WDR5: variants seen among roughly 807,000 people sequenced by gnomAD.
WDR5 encodes WD repeat-containing protein 5.
For missense variants in WDR5, 187 were observed against 416.9 expected (o/e 0.45, Z 4.80); for synonymous variants, 144 against 161.6 (o/e 0.89, Z 0.83).
intron 9 of WDR5, among the ~76,000 whole-genome samples, chr9:134,152,548 C>T (rs867492108): frequency 4.7e-4 from 72 of 152,182 alleles, no homozygotes; most frequent in Admixed American, 4.6e-3. Flanking sequence ...TGTGACGGCC[C>T]GGGGTTCCCA....
At chr9:134,138,263 C>G (rs1364345367) in intron 1 of WDR5, among the ~76,000 whole-genome samples, 1 of 152,208 alleles carries the variant, frequency 6.6e-6, no homozygotes, top group Non-Finnish European at 1.5e-5. Context: ...GCCTTCTGAG[C>G]TGCCTATTTC....
chr9:134,151,978 C>T lies in WDR5; in HGVS notation c.585-5C>T, dbSNP rs542135586. 40 of 1,613,710 alleles carry T rather than the reference C, an allele frequency of 2.5e-5. No individual in the cohort carries two copies. The highest frequency in any genetic ancestry group is 1.6e-4 in the African/African-American group (12 of 75,012). On this transcript the variant is annotated splice_polypyrimidine_tract_variant and splice_region_variant and intron_variant, in intron 8 of 13. Transcript: ENST00000358625. ...TTACGCTTTTTTGTTCTCTTTGCTTCGAAGTCGCATCTGGGACACCGCCTC... is the reference window on the plus strand; with the variant it reads ...TTACGCTTTTTTGTTCTCTTTGCTTTGAAGTCGCATCTGGGACACCGCCTC...
rs914466008 is a variant in WDR5, at chr9:134,155,455, A to T, written c.741+82A>T. 17 of 1,503,948 alleles carry T rather than the reference A, an allele frequency of 1.1e-5. No individual in the cohort carries two copies. In the Admixed American group the frequency reaches 1.3e-4, roughly 12 times the overall value. 93.2% of individuals were successfully genotyped at this position (1,503,948 alleles called of 1,614,324 possible). A position where few individuals can be genotyped will look rare whatever the true frequency, so the allele number is the denominator to read the frequency against. On this transcript the variant is annotated intron_variant, in intron 11 of 13. Transcript: ENST00000358625. ...GGTGGGGACAGAGCTGGCCCCGGTG[A>T]TGACAAAGGAGAGGAGCTCAGAGAG... is the stretch of plus-strand genomic sequence containing the variant.
At chr9:134,147,635 TTC>T (rs1320196249) in intron 7 of WDR5, among the ~76,000 whole-genome samples, 1 of 152,154 alleles carries the variant, frequency 6.6e-6, no homozygotes, top group African/African-American at 2.4e-5. Flanking sequence ...AAACCACGGC[TTC>T]CTTGTGTGGC....
intron 2 of WDR5, among the ~76,000 whole-genome samples, chr9:134,140,488 A>G (rs545544696): frequency 6.6e-6 from 1 of 152,192 alleles, no homozygotes; most frequent in Admixed American, 6.5e-5. Context: ...GAGACTACAG[A>G]AGAGGAGGTC....
intron 8 of WDR5, among the ~76,000 whole-genome samples, chr9:134,149,797 A>ACT (rs1480536486): frequency 6.6e-6 from 1 of 152,202 alleles, no homozygotes; most frequent in Non-Finnish European, 1.5e-5. Flanking sequence ...CAAGATGAGA[A>ACT]CTAGGAGGTG....
At chr9:134,143,456 A>G (rs1021644129) in intron 7 of WDR5, among the ~76,000 whole-genome samples, 4 of 151,762 alleles carry the variant, frequency 2.6e-5, no homozygotes, top group African/African-American at 7.3e-5. Context: ...CCAGAGAATC[A>G]CTTGAACCTG....
Position 134,139,851 on chromosome 9 carries a change from G to A in WDR5, c.-27G>A, listed in dbSNP as rs746749657. On this transcript the variant is annotated 5_prime_UTR_variant, in exon 2 of 14. Transcript: ENST00000358625. ...TCTGTCACCGGGTCCCTCCACCCTT[G>A]TCTCCTGTGCGGCCAGCGTCAGAGC... 6.2e-7 allele frequency: 1 copy of A among 1,613,284 alleles called. No homozygotes were observed. The highest frequency in any genetic ancestry group is 1.1e-5 in the South Asian group (1 of 91,074).
At position 134,157,183 on chromosome 9, in the gene WDR5, G is replaced by A. The variant is rs1170893608; in HGVS notation, c.904+590G>A. On this transcript the variant is annotated intron_variant, in intron 13 of 13. Transcript: ENST00000358625. The surrounding 1 kb of genome is among the most constrained non-coding windows in gnomAD (Gnocchi z 5.0). ...GGGTTCGAGCCCTTGTGGAAATCTG[G>A]GGAGGCACTGCTTCTCCCTCCCTGT... 6.6e-6 allele frequency among the ~76,000 whole-genome samples: 1 copy of A among 152,160 alleles called. No individual in the cohort carries two copies. The highest frequency in any genetic ancestry group is 2.4e-5 in the African/African-American group (1 of 41,454).
intron 7 of WDR5, among the ~76,000 whole-genome samples, chr9:134,145,203 G>A (rs1052729763): frequency 4.0e-5 from 6 of 148,998 alleles, no homozygotes; most frequent in Admixed American, 6.9e-5. Flanking sequence ...GGTTCAAGGG[G>A]TTCTCCTGCC....
At chr9:134,140,882 A>G (rs1452654277) in intron 3 of WDR5, 71 bp downstream of exon 3, 1 of 1,458,282 alleles carries the variant, frequency 6.9e-7, no homozygotes, top group Non-Finnish European at 9.6e-7. Context: ...TGGCGAGGGG[A>G]TGGCTTGCTT....
chr9:134,152,364 T>C (rs1588177762), intron 9 of WDR5, among the ~76,000 whole-genome samples: 1 of 152,310 alleles, frequency 6.6e-6, no homozygotes, highest in East Asian at 1.9e-4. Flanking sequence ...CGTGCCAGCC[T>C]CTTGGATCAT....
chr9:134,155,902 G>A (rs943089918), intron 12 of WDR5, 135 bp downstream of exon 12: 5 of 827,768 alleles, frequency 6.0e-6, no homozygotes, highest in Middle Eastern at 3.6e-4. Flanking sequence ...CAACCAAAGC[G>A]CACTGCGCCA....
chr9:134,141,721 A>G (rs552226184), intron 4 of WDR5, 138 bp downstream of exon 4: 8 of 1,002,012 alleles, frequency 8.0e-6, no homozygotes, highest in African/African-American at 1.6e-5. Context: ...AGTTATTTGC[A>G]TCTTGAACTT....
intron 7 of WDR5, among the ~76,000 whole-genome samples, chr9:134,143,386 C>T (rs1313441243): frequency 6.6e-6 from 1 of 152,080 alleles, no homozygotes; most frequent in African/African-American, 2.4e-5. Context: ...ACTAAAAATA[C>T]AAAAATCAGC....
rs1455580626 is a variant in WDR5, at chr9:134,136,113, C to G, written c.-146C>G. The G allele has an allele frequency of 1.3e-5, 2 of 149,112 alleles. No individual in the cohort carries two copies. Among genetic ancestry groups the G allele is most frequent in the African/African-American group, 2.4e-5 (1 of 41,044 alleles). The allele number at this position is 149,112 out of a possible 1,614,324, so 9.2% of individuals were successfully genotyped here. On this transcript the variant is annotated 5_prime_UTR_variant, in exon 1 of 14. Coordinates refer to ENST00000358625, the MANE Select transcript of WDR5 (RefSeq NM_017588.3). The stretch of plus-strand genomic sequence containing the variant: ...GCCGCCTGGCGCCCGCCCGAGCTGC[C>G]GCCTTGTCGAGCTGAGTCCGCGCTC...
At chr9:134,152,082 G>A in intron 9 of WDR5, 53 bp downstream of exon 9, 1 of 1,592,636 alleles carries the variant, frequency 6.3e-7, no homozygotes, top group Non-Finnish European at 8.6e-7. Context: ...CTCCCCTGCT[G>A]GGTTCACTGC....
At chr9:134,151,411 C>G (rs1353595892) in intron 8 of WDR5, among the ~76,000 whole-genome samples, 1 of 152,194 alleles carries the variant, frequency 6.6e-6, no homozygotes, top group Non-Finnish European at 1.5e-5. Context: ...CTGCTGGCAT[C>G]TGTGCAGTAG....
At chr9:134,146,633 A>G (rs892543189) in intron 7 of WDR5, among the ~76,000 whole-genome samples, 4 of 152,198 alleles carry the variant, frequency 2.6e-5, no homozygotes, top group Admixed American at 6.5e-5. Context: ...TGTGGGTGGA[A>G]TGGTAGAGCC....
Sources: gnomAD v4.1 joint callset for allele counts (sites outside exome capture counted in the v4.1 genomes callset) on GRCh38, gnomAD v4.1.1 for gene constraint, Gnocchi (gnomAD v3.1) non-coding constraint, MANE v1.5 for transcripts, NCBI Gene and HGNC (gene_info 2026-07-23, HGNC 2026-07-21) for gene names.